The following WDR7 variants were observed in gnomAD, a reference collection of about 807,000 sequenced individuals.
WDR7 encodes WD repeat-containing protein 7.
In WDR7, 46 loss-of-function variants were observed where a neutral mutation model predicts 169.4. That is an observed-to-expected ratio of 0.27 (90% CI 0.21 to 0.35). The LOEUF (loss-of-function observed/expected upper bound fraction) is 0.35. WDR7 is among the 10% of genes least tolerant of loss of function. WDR7 has a pLI of 1.00. For missense variants in WDR7, 1,534 were observed against 1,859.3 expected, an observed-to-expected ratio of 0.83 and a Z score of 3.22; for synonymous variants, 612 against 666.8, an observed-to-expected ratio of 0.92 and a Z score of 1.27.
chr18:56,861,771 A>T (rs1262097367), intron 20 of WDR7, among the ~76,000 whole-genome samples: 2 of 152,184 alleles, frequency 1.3e-5, no homozygotes, highest in Non-Finnish European at 2.9e-5. Context: ...AAGAAAAATA[A>T]GTATCATAAT....
intron 12 of WDR7, among the ~76,000 whole-genome samples, chr18:56,699,555 T>G (rs2025778112): frequency 6.6e-6 from 1 of 152,230 alleles, no homozygotes; most frequent in Non-Finnish European, 1.5e-5. Context: ...TTTTGGGTTT[T>G]AGGTGAATTC....
Position 57,027,443 on chromosome 18 carries a change from G to T in WDR7, c.*236G>T. Reference sequence around the variant, plus strand: ...GCAGGATGTGGCCATCCTGTCACCAGGTAGTTTTTCCCTGCCAGAGATGGC... The same window carrying T: ...GCAGGATGTGGCCATCCTGTCACCATGTAGTTTTTCCCTGCCAGAGATGGC... On this transcript the variant is annotated 3_prime_UTR_variant, in exon 28 of 28. Coordinates refer to ENST00000254442, the MANE Select transcript of WDR7 (RefSeq NM_015285.3). 1 of 540,282 alleles carries T rather than the reference G, an allele frequency of 1.9e-6. No individual in the cohort carries two copies. The allele number at this position is 540,282 out of a possible 1,614,324, so 33.5% of individuals were successfully genotyped here. A position where few individuals can be genotyped will look rare whatever the true frequency, so the allele number is the denominator to read the frequency against.
chr18:56,831,588 G>A (rs1396215197), intron 20 of WDR7, among the ~76,000 whole-genome samples: 1 of 152,144 alleles, frequency 6.6e-6, no homozygotes, highest in Admixed American at 6.5e-5. Context: ...CTCCCAGCGA[G>A]ACCAACCCAG....
intron 21 of WDR7, among the ~76,000 whole-genome samples, chr18:56,922,681 CT>C: frequency 6.6e-6 from 1 of 152,042 alleles, no homozygotes. Context: ...GGACTGATGG[CT>C]TTCATCAGAT....
chr18:56,950,300 C>T (rs2047164013), intron 25 of WDR7, among the ~76,000 whole-genome samples: 2 of 152,138 alleles, frequency 1.3e-5, no homozygotes, highest in Non-Finnish European at 2.9e-5. Flanking sequence ...TGTTGTTTTG[C>T]TCACTGCCAG....
At chr18:56,800,411 A>T (rs1396697020) in intron 19 of WDR7, among the ~76,000 whole-genome samples, 1 of 152,174 alleles carries the variant, frequency 6.6e-6, no homozygotes, top group Non-Finnish European at 1.5e-5. Context: ...TATTTCATGC[A>T]TGTGCTTACT....
At chr18:56,917,244 G>A (rs999135514) in intron 21 of WDR7, among the ~76,000 whole-genome samples, 1 of 152,042 alleles carries the variant, frequency 6.6e-6, no homozygotes, top group Non-Finnish European at 1.5e-5. Flanking sequence ...TATGTGCTGT[G>A]AACTGAAGGT....
chr18:56,838,907 T>C (rs2045436234), intron 20 of WDR7, among the ~76,000 whole-genome samples: 1 of 152,136 alleles, frequency 6.6e-6, no homozygotes. Context: ...TAAAAAGAAA[T>C]ATGTTAAAGC....
At chr18:56,681,496 G>A (rs1480249296) in intron 4 of WDR7, 105 bp downstream of exon 4, 20 of 693,470 alleles carry the variant, frequency 2.9e-5, no homozygotes, top group Non-Finnish European at 4.1e-5. Context: ...AATGGTGGGT[G>A]GTAGTAACAA....
chr18:56,759,049 G>A, intron 16 of WDR7, 96 bp downstream of exon 16: 6 of 982,624 alleles, frequency 6.1e-6, no homozygotes, highest in East Asian at 5.7e-5. Context: ...TGTTTGTCTT[G>A]GATTGTTAAA....
intron 26 of WDR7, among the ~76,000 whole-genome samples, chr18:56,991,459 T>C (rs2047818319): frequency 6.6e-6 from 1 of 152,118 alleles, no homozygotes; most frequent in South Asian, 2.1e-4. Context: ...TTTTTAAATA[T>C]TGGAGAAACT....
intron 21 of WDR7, among the ~76,000 whole-genome samples, chr18:56,906,444 A>G (rs955766178): frequency 6.6e-6 from 1 of 152,146 alleles, no homozygotes; most frequent in African/African-American, 2.4e-5. Context: ...GAGAGTGTGG[A>G]TGAAACAAGA....
In WDR7 at chr18:56,832,386, G is replaced by A. The variant is rs535625092; in HGVS notation, c.3304+16242G>A. 5.9e-5 allele frequency among the ~76,000 whole-genome samples: 9 copies of A among 152,166 alleles called. 1 individual carries two copies. Among genetic ancestry groups the A allele is most frequent in the Admixed American group, 4.6e-4 (7 of 15,278 alleles). On this transcript the variant is annotated intron_variant, in intron 20 of 27. Transcript: ENST00000254442. Reference sequence around the variant, plus strand: ...CCCATCTCCTTGGGACAGAGCACCCGGGGAAAGGGGCGGCTGTGGTTGCAG... The same window carrying A: ...CCCATCTCCTTGGGACAGAGCACCCAGGGAAAGGGGCGGCTGTGGTTGCAG...
At position 56,700,592 on chromosome 18, in the gene WDR7, C is replaced by T. The variant is rs1167329414; in HGVS notation, c.1578+4130C>T. Among the ~76,000 whole-genome samples, 15 of 111,872 alleles carry T rather than the reference C, an allele frequency of 1.3e-4. No homozygotes were observed. In the South Asian group the frequency reaches 2.6e-3, roughly 19 times the overall value. 73.4% of individuals were successfully genotyped at this position (111,872 alleles called of 152,430 possible). On this transcript the variant is annotated intron_variant, in intron 12 of 27. Transcript: ENST00000254442. ...TTTTTTTTTTTTTTTTTTTTTGAGA[C>T]GGAGTCTCGCTCTGTCGCCCAGGCT...
At chr18:56,984,219 G>T (rs1224793687) in intron 26 of WDR7, among the ~76,000 whole-genome samples, 1 of 152,050 alleles carries the variant, frequency 6.6e-6, no homozygotes, top group Non-Finnish European at 1.5e-5. Context: ...ACAGAATGAT[G>T]GATGTGATGA....
rs1301442108 is a variant in WDR7 at position 56,660,678 on chromosome 18, GA to G, written c.-20+9106del. On this transcript the variant is annotated intron_variant, in intron 1 of 27. Coordinates refer to ENST00000254442, the MANE Select transcript of WDR7 (RefSeq NM_015285.3). ...AAGGTTAAAAAAAAAAAAAAAGAAA[GA>G]AAAGAAAGAAAGGAGACTAAAGCTA... is the stretch of plus-strand genomic sequence containing the variant. Among the ~76,000 whole-genome samples the G allele has an allele frequency of 8.7e-5, 13 of 150,080 alleles. 1 individual carries two copies. Among genetic ancestry groups the G allele is most frequent in the African/African-American group, 3.2e-4 (13 of 40,926 alleles).
intron 20 of WDR7, among the ~76,000 whole-genome samples, chr18:56,828,454 A>G (rs2045249883): frequency 6.6e-6 from 1 of 152,200 alleles, no homozygotes; most frequent in Non-Finnish European, 1.5e-5. Context: ...AAGCTTTCCG[A>G]ATGTTCTGAT....
chr18:56,881,217 A>T (rs893324287), intron 21 of WDR7, among the ~76,000 whole-genome samples: 1 of 152,176 alleles, frequency 6.6e-6, no homozygotes, highest in Non-Finnish European at 1.5e-5. Flanking sequence ...TCATTCAACA[A>T]ATACTTATTA....
intron 19 of WDR7, among the ~76,000 whole-genome samples, chr18:56,789,348 A>G (rs2044449461): frequency 6.6e-6 from 1 of 152,272 alleles, no homozygotes; most frequent in Admixed American, 6.5e-5. Flanking sequence ...AGTAATAAAC[A>G]GAAAATTCCC....
Sources: gnomAD v4.1 joint callset for allele counts (sites outside exome capture counted in the v4.1 genomes callset) on GRCh38, gnomAD v4.1.1 for gene constraint, MANE v1.5 for transcripts, NCBI Gene and HGNC (gene_info 2026-07-23, HGNC 2026-07-21) for gene names.